TNKS2: variants seen among roughly 807,000 people sequenced by gnomAD.
The protein encoded by TNKS2 is tankyrase 2.
In TNKS2, 72 loss-of-function variants were observed where a neutral mutation model predicts 137.6. The observed-to-expected ratio is 0.52, with a 90% CI of 0.43 to 0.64. The LOEUF (loss-of-function observed/expected upper bound fraction) is 0.64, where lower values mean the gene tolerates loss of function less well. Ranked by LOEUF, TNKS2 falls within the 30% of genes least tolerant of loss-of-function variation. The probability of loss-of-function intolerance (pLI) is 0.00; values close to 1 mark genes in which losing one functional copy is unlikely to be tolerated. For missense variants in TNKS2, 1,049 were observed against 1,410.2 expected, an observed-to-expected ratio of 0.74 and a Z score of 4.10; for synonymous variants, 516 against 512.1, an observed-to-expected ratio of 1.01 and a Z score of -0.10.
intron 13 of TNKS2, among the ~76,000 whole-genome samples, chr10:91,837,836 T>C (rs1842076797): frequency 6.6e-6 from 1 of 152,208 alleles, no homozygotes; most frequent in South Asian, 2.1e-4. Flanking sequence ...GCAACTATCA[T>C]GCAGTTTTAT....
chr10:91,858,379 T>A (rs1403914500), intron 24 of TNKS2, among the ~76,000 whole-genome samples: 1 of 152,216 alleles, frequency 6.6e-6, no homozygotes, highest in Admixed American at 6.5e-5. Context: ...TTGATGGTTA[T>A]AATATGGTTT....
At chr10:91,815,046 G>A (rs898155851) in intron 2 of TNKS2, among the ~76,000 whole-genome samples, 5 of 151,878 alleles carry the variant, frequency 3.3e-5, no homozygotes. Flanking sequence ...TACAGTATGT[G>A]AGAAGGCTTT....
chr10:91,859,712 A>T (rs1842803146), intron 25 of TNKS2, 64 bp downstream of exon 25: 1 of 1,380,402 alleles, frequency 7.2e-7, no homozygotes, highest in Admixed American at 1.9e-5. Flanking sequence ...TGCATTTTTG[A>T]GGGCAAAGCA....
chr10:91,844,961 A>T lies in TNKS2; in HGVS notation c.2102A>T (p.His701Leu). 3.1e-6 allele frequency: 5 copies of T among 1,613,618 alleles called. No individual in the cohort carries two copies. The highest frequency in any genetic ancestry group is 4.2e-6 in the Non-Finnish European group (5 of 1,179,710). The change falls in exon 17 of 27, where the codon CAC becomes CTC. Residue 701 changes from histidine (H) to leucine (L), a missense_variant. Coordinates refer to ENST00000371627, the MANE Select transcript of TNKS2 (RefSeq NM_025235.4). Reference sequence around the variant, plus strand: ...GAAGTTGCAGAGTATTTGTTACAACACGGAGCTGATGTGAATGCCCAAGAC... The same window carrying T: ...GAAGTTGCAGAGTATTTGTTACAACTCGGAGCTGATGTGAATGCCCAAGAC... ...NLEVAEYLLQHGADVNAQDKG... is the reference protein window; with the variant it reads ...NLEVAEYLLQLGADVNAQDKG...
At position 91,819,273 on chromosome 10, in the gene TNKS2, A is replaced by G. The variant is rs1220875633; in HGVS notation, c.524A>G (p.Glu175Gly). The change falls in exon 4 of 27, where the codon GAA becomes GGA. Residue 175 changes from glutamate (E) to glycine (G), a missense_variant. Glu to Gly is a moderately conservative substitution (Grantham distance 98). Around this residue, in one of 6 missense-constraint regions of TNKS2, gnomAD observed 374 missense variants for 460.8 expected, o/e 0.81. Transcript: ENST00000371627. ...TTTTTTTTTTTCTAATTCACAGGTG[A>G]ATATAAGAAAGATGAACTCTTAGAA... ...DPSAKAVLTG[E>G]YKKDELLESA... The G allele has an allele frequency of 1.4e-6, 2 of 1,427,520 alleles. No individual in the cohort carries two copies. The highest frequency in any genetic ancestry group is 1.9e-6 in the Non-Finnish European group (2 of 1,077,432). 88.4% of individuals were successfully genotyped at this position (1,427,520 alleles called of 1,614,324 possible).
intron 11 of TNKS2, among the ~76,000 whole-genome samples, chr10:91,831,968 G>C (rs914409794): frequency 3.3e-5 from 5 of 152,148 alleles, no homozygotes; most frequent in Non-Finnish European, 7.4e-5. Flanking sequence ...CTTCTCCTTG[G>C]ATGGCCCCTG....
At chr10:91,811,968 G>A (rs1184172273) in intron 1 of TNKS2, among the ~76,000 whole-genome samples, 1 of 151,960 alleles carries the variant, frequency 6.6e-6, no homozygotes, top group Non-Finnish European at 1.5e-5. Flanking sequence ...GCTGAGGCAG[G>A]AGAATGGCAT....
chr10:91,818,556 A>G (rs1438642661), intron 3 of TNKS2, among the ~76,000 whole-genome samples: 2 of 151,918 alleles, frequency 1.3e-5, no homozygotes, highest in Non-Finnish European at 2.9e-5. Context: ...GTGTGTATCA[A>G]GGCCTCACTC....
intron 24 of TNKS2, among the ~76,000 whole-genome samples, chr10:91,859,140 GC>G (rs147047007): frequency 0.066 from 10,017 of 152,206 alleles, 1,084 homozygotes; most frequent in African/African-American, 0.23. Flanking sequence ...TGAATTATGA[GC>G]CTCTTGGTTT....
intron 1 of TNKS2, among the ~76,000 whole-genome samples, chr10:91,801,915 G>T (rs1220629265): frequency 6.6e-6 from 1 of 152,168 alleles, no homozygotes; most frequent in Non-Finnish European, 1.5e-5. Context: ...CAGTAAAGAA[G>T]ACTCTGCTTC....
rs967554078 is a variant in TNKS2, at chr10:91,840,422, A to G, written c.1528-139A>G. Reference sequence around the variant, plus strand: ...GTAAATGACAAGGTGAAATAAGAATACTAAATAGTTTCTGAGAATACTGAT... The same window carrying G: ...GTAAATGACAAGGTGAAATAAGAATGCTAAATAGTTTCTGAGAATACTGAT... On this transcript the variant is annotated intron_variant, in intron 13 of 26. Coordinates refer to ENST00000371627, the MANE Select transcript of TNKS2 (RefSeq NM_025235.4). The G allele has an allele frequency of 5.6e-6, 4 of 712,196 alleles. No individual in the cohort carries two copies. In the South Asian group the frequency reaches 6.3e-5, roughly 11 times the overall value. The allele number at this position is 712,196 out of a possible 1,614,324, so 44.1% of individuals were successfully genotyped here.
chr10:91,807,273 G>C, intron 1 of TNKS2: 8 of 1,611,644 alleles, frequency 5.0e-6, no homozygotes, highest in African/African-American at 1.3e-5. Context: ...TACATCTTGA[G>C]CTTGGTCTGT....
At chr10:91,821,768 A>G (rs188480283) in intron 6 of TNKS2, among the ~76,000 whole-genome samples, 2 of 152,306 alleles carry the variant, frequency 1.3e-5, no homozygotes, top group African/African-American at 4.8e-5. Context: ...CAAAGGAGGG[A>G]GGGAAATCTA....
At chr10:91,854,764 G>A (rs1280610890) in intron 21 of TNKS2, among the ~76,000 whole-genome samples, 3 of 151,868 alleles carry the variant, frequency 2.0e-5, no homozygotes, top group South Asian at 2.1e-4. Flanking sequence ...TTAGCCAGTC[G>A]TGGTAGCGAA....
chr10:91,817,755 C>T (rs1032988512), intron 3 of TNKS2, among the ~76,000 whole-genome samples: 1 of 152,174 alleles, frequency 6.6e-6, no homozygotes. Flanking sequence ...GCTAGTTGTA[C>T]TCTGCTGTAA....
At chr10:91,846,794 T>TA (rs1265005740) in intron 18 of TNKS2, among the ~76,000 whole-genome samples, 5 of 151,650 alleles carry the variant, frequency 3.3e-5, no homozygotes, top group Non-Finnish European at 7.3e-5. Context: ...TTCAGGGAAA[T>TA]ATCTTTCTAG....
At position 91,809,310 on chromosome 10, in the gene TNKS2, C is replaced by T. The variant is rs1443569570; in HGVS notation, c.200-3673C>T. Among the ~76,000 whole-genome samples the T allele has an allele frequency of 3.3e-5, 5 of 152,198 alleles. 1 individual carries two copies. Among genetic ancestry groups the T allele is most frequent in the Admixed American group, 3.3e-4 (5 of 15,280 alleles). On this transcript the variant is annotated intron_variant, in intron 1 of 26. Transcript: ENST00000371627. ...GGCTTCACCAGCCATGTGAGTATTACCTATGGTGTTCACATGAACCATGTG... is the reference window on the plus strand; with the variant it reads ...GGCTTCACCAGCCATGTGAGTATTATCTATGGTGTTCACATGAACCATGTG...
chr10:91,840,547 G>GT lies in TNKS2; in HGVS notation c.1528-10dup. On this transcript the variant is annotated splice_polypyrimidine_tract_variant and intron_variant, in intron 13 of 26. Transcript: ENST00000371627. ...GTAGATGTAGTATCATGTATGTTGT[G>GT]TTTTGTCCTTCAGAAACTGTGTACT... 6.2e-7 allele frequency: 1 copy of GT among 1,609,012 alleles called. No individual in the cohort carries two copies. Among genetic ancestry groups the GT allele is most frequent in the Non-Finnish European group, 8.5e-7 (1 of 1,177,832 alleles).
intron 20 of TNKS2, 103 bp downstream of exon 20, chr10:91,849,697 G>A: frequency 1.2e-6 from 1 of 843,462 alleles, no homozygotes; most frequent in South Asian, 2.4e-5. Context: ...TATTGGGGGA[G>A]AATGTTTTTT....
Sources: allele counts gnomAD v4.1 joint callset (sites outside exome capture counted in the v4.1 genomes callset), GRCh38; gene constraint gnomAD v4.1.1; regional missense constraint gnomAD v4.1.1; transcripts MANE v1.5; gene names NCBI Gene and HGNC (gene_info 2026-07-23, HGNC 2026-07-21).